The following RGS8 variants were observed in gnomAD, a reference collection of about 807,000 sequenced individuals.
The protein encoded by RGS8 is regulator of G protein signaling 8.
A neutral mutation model predicts 21.7 loss-of-function variants in RGS8; 8 were observed. The ratio of observed to expected loss-of-function variants is 0.37; its 90% CI spans 0.22 to 0.66. The LOEUF (loss-of-function observed/expected upper bound fraction) is 0.66. Among genes scored for constraint, RGS8 ranks in the 30% least tolerant of loss-of-function variants. The pLI, the probability that RGS8 is intolerant of heterozygous loss-of-function variation, is 0.59. For missense variants in RGS8, 157 were observed against 217.9 expected, an observed-to-expected ratio of 0.72 and a Z score of 1.76; for synonymous variants, 80 against 83.6, an observed-to-expected ratio of 0.96 and a Z score of 0.24.
intron 6 of RGS8, among the ~76,000 whole-genome samples, chr1:182,647,249 G>A (rs1043127121): frequency 1.3e-5 from 2 of 152,220 alleles, no homozygotes; most frequent in Non-Finnish European, 2.9e-5. Context: ...CTTCACCATG[G>A]CAGGCAAAGG....
At chr1:182,693,949 A>G in the RGS8 span, among the ~76,000 whole-genome samples, 2 of 152,136 alleles carry the variant, frequency 1.3e-5, no homozygotes, top group Admixed American at 6.5e-5. Context: ...AGAGAAGAAC[A>G]AACACACAGG....
exon 7 of RGS8, chr1:182,646,647 G>T: frequency 3.2e-5 from 38 of 1,196,372 alleles, no homozygotes; most frequent in South Asian, 4.6e-5. Context: ...CACCGCTTTT[G>T]AACACCTATG....
intron 5 of RGS8, among the ~76,000 whole-genome samples, chr1:182,664,921 C>A (rs1361230710): frequency 6.6e-6 from 1 of 152,206 alleles, no homozygotes; most frequent in African/African-American, 2.4e-5. Flanking sequence ...AAAGCAAAAT[C>A]ACTTCTAAAG....
chr1:182,676,276 C>T (rs533146595), upstream of RGS8, among the ~76,000 whole-genome samples: 1 of 152,288 alleles, frequency 6.6e-6, no homozygotes, highest in African/African-American at 2.4e-5. Context: ...AGGTTTATTG[C>T]CAAATGCCCC....
the RGS8 span, among the ~76,000 whole-genome samples, chr1:182,706,060 G>A: frequency 3.3e-5 from 5 of 152,172 alleles, no homozygotes; most frequent in South Asian, 2.1e-4. Context: ...TCGGGTCCCC[G>A]CAACCTCTGC....
exon 3 of RGS8, chr1:182,669,734 C>T (rs1037835531): frequency 9.3e-6 from 15 of 1,604,348 alleles, no homozygotes; most frequent in Admixed American, 8.5e-5. Flanking sequence ...CAGGAATTTA[C>T]CCTTGCACGT....
At chr1:182,686,269 TG>T (rs1664704521), upstream of RGS8, among the ~76,000 whole-genome samples, 1 of 152,212 alleles carries the variant, frequency 6.6e-6, no homozygotes, top group Non-Finnish European at 1.5e-5. Context: ...AAGGGTCCAT[TG>T]GGACCACACG....
chr1:182,735,215 G>T, the RGS8 span, among the ~76,000 whole-genome samples: 1 of 152,084 alleles, frequency 6.6e-6, no homozygotes. Context: ...CTTATTTAAT[G>T]TATTGTCTGC....
At chr1:182,694,215 A>AT in the RGS8 span, among the ~76,000 whole-genome samples, 1 of 151,968 alleles carries the variant, frequency 6.6e-6, no homozygotes. Flanking sequence ...AGGATGGTAA[A>AT]TTTTTTTGAA....
At chr1:182,751,794 A>G in the RGS8 span, among the ~76,000 whole-genome samples, 229 of 152,332 alleles carry the variant, frequency 1.5e-3, no homozygotes, top group African/African-American at 4.6e-3. Context: ...ATACTTGCAG[A>G]TAAAGGCTGG....
At chr1:182,718,772 G>GAT in the RGS8 span, among the ~76,000 whole-genome samples, 3 of 152,258 alleles carry the variant, frequency 2.0e-5, no homozygotes, top group South Asian at 4.1e-4. Context: ...TAATTGCTGT[G>GAT]ATATGGCGTG....
At chr1:182,712,542 T>C in the RGS8 span, among the ~76,000 whole-genome samples, 3 of 152,346 alleles carry the variant, frequency 2.0e-5, no homozygotes, top group East Asian at 5.8e-4. Context: ...GAACACCATA[T>C]GAACAGTATT....
the RGS8 span, among the ~76,000 whole-genome samples, chr1:182,723,720 G>A: frequency 6.6e-6 from 1 of 152,102 alleles, no homozygotes; most frequent in South Asian, 2.1e-4. Context: ...GCTGCCTACT[G>A]CAAAAATAAT....
At position 182,648,909 on chromosome 1, in the gene RGS8, TG is replaced by T. The variant is rs143525005; in HGVS notation, c.194-607del. On this transcript the variant is annotated intron_variant, in intron 5 of 6. Transcript: ENST00000483095. ...TGAGGTCAGGAGTTCGAGACCAGCC[TG>T]GCCAACATGGCAAAACGTCATCTCT... is the stretch of plus-strand genomic sequence containing the variant. Among the ~76,000 whole-genome samples the T allele has an allele frequency of 3.5e-3, 535 of 152,316 alleles. 5 individuals carry two copies. The highest frequency in any genetic ancestry group is 0.012 in the African/African-American group (503 of 41,564).
At chr1:182,748,405 T>C in the RGS8 span, among the ~76,000 whole-genome samples, 2 of 152,236 alleles carry the variant, frequency 1.3e-5, no homozygotes, top group Non-Finnish European at 2.9e-5. Flanking sequence ...TAACATAATA[T>C]CCTCCAGGTT....
At chr1:182,643,786 T>C (rs1047910865), downstream of RGS8, 5 of 152,316 alleles carry the variant, frequency 3.3e-5, no homozygotes, top group African/African-American at 1.2e-4. Context: ...GACAGTATTC[T>C]ATTTAGTTTG....
chr1:182,645,519 G>T (rs1662663280), downstream of RGS8: 1 of 152,218 alleles, frequency 6.6e-6, no homozygotes, highest in Non-Finnish European at 1.5e-5. Flanking sequence ...AGGGTACCAT[G>T]AAAGCATTTT....
At chr1:182,744,714 G>A in the RGS8 span, among the ~76,000 whole-genome samples, 1 of 152,148 alleles carries the variant, frequency 6.6e-6, no homozygotes, top group South Asian at 2.1e-4. Context: ...CTAAATTTGG[G>A]TAAGTACACA....
the RGS8 span, among the ~76,000 whole-genome samples, chr1:182,741,341 G>A: frequency 6.3e-5 from 8 of 126,478 alleles, no homozygotes; most frequent in Non-Finnish European, 8.3e-5. Flanking sequence ...CGGACGGGGC[G>A]GCTGGCCGGG....
Sources: allele counts gnomAD v4.1 joint callset (sites outside exome capture counted in the v4.1 genomes callset), GRCh38; gene constraint gnomAD v4.1.1; transcripts MANE v1.5; gene names NCBI Gene and HGNC (gene_info 2026-07-23, HGNC 2026-07-21).